ARRB1: variants seen among roughly 807,000 people sequenced by gnomAD.
The protein encoded by ARRB1 is arrestin beta 1, also known as beta-arrestin-1.
Under a neutral mutation model 56.8 loss-of-function variants are expected in ARRB1, and 21 were observed. The ratio of observed to expected loss-of-function variants is 0.37; its 90% CI spans 0.26 to 0.53. The LOEUF is 0.53. Among genes scored for constraint, ARRB1 ranks in the 20% least tolerant of loss-of-function variants. The pLI is 0.88. For synonymous variants in ARRB1, 210 were observed against 218.6 expected (o/e 0.96, Z 0.35); for missense variants, 424 against 553.7 (o/e 0.77, Z 2.35).
chr11:75,312,859 T>A (rs768101242), intron 1 of ARRB1, among the ~76,000 whole-genome samples: 6 of 152,264 alleles, frequency 3.9e-5, no homozygotes, highest in Middle Eastern at 3.4e-3. Context: ...AGGGAATGGA[T>A]CCCCGCTAGA....
chr11:75,274,558 G>A (rs1351604314), intron 10 of ARRB1: 10 of 184,946 alleles, frequency 5.4e-5, no homozygotes, highest in Admixed American at 1.7e-4. Context: ...TTGGGAGGCC[G>A]AGGCGGGTAG....
At chr11:75,303,194 G>A (rs546281636) in intron 1 of ARRB1, among the ~76,000 whole-genome samples, 3 of 152,142 alleles carry the variant, frequency 2.0e-5, no homozygotes, top group Non-Finnish European at 4.4e-5. Context: ...TAGAGACAGG[G>A]TTTCACCATG....
chr11:75,307,379 G>A (rs1173894324), intron 1 of ARRB1, among the ~76,000 whole-genome samples: 3 of 152,186 alleles, frequency 2.0e-5, no homozygotes. Context: ...GAATCTCTCT[G>A]AGGGAAGTGG....
chr11:75,303,556 T>C (rs1213551638), intron 1 of ARRB1: 5 of 456,068 alleles, frequency 1.1e-5, no homozygotes, highest in Non-Finnish European at 2.2e-5. Context: ...CTTTCTTTTC[T>C]TCCCTTTATT....
chr11:75,334,060 G>A (rs951508882), intron 1 of ARRB1, among the ~76,000 whole-genome samples: 23 of 152,266 alleles, frequency 1.5e-4, no homozygotes, highest in African/African-American at 5.5e-4. Context: ...GGCCGGGCGC[G>A]GTGGCTCACG....
chr11:75,269,452 C>T (rs1339233994), intron 13 of ARRB1, among the ~76,000 whole-genome samples: 1 of 152,198 alleles, frequency 6.6e-6, no homozygotes, highest in Non-Finnish European at 1.5e-5. Context: ...CCCTAGCACC[C>T]CTGCAATCTG....
intron 1 of ARRB1, among the ~76,000 whole-genome samples, chr11:75,350,219 G>C (rs1203252901): frequency 2.0e-5 from 3 of 152,204 alleles, no homozygotes; most frequent in Non-Finnish European, 4.4e-5. Context: ...TTTGTCAGTG[G>C]CCCTGAAAGG....
At chr11:75,349,617 G>A (rs774409585) in intron 1 of ARRB1, among the ~76,000 whole-genome samples, 2 of 152,230 alleles carry the variant, frequency 1.3e-5, no homozygotes, top group Non-Finnish European at 2.9e-5. Context: ...GGACAATGGA[G>A]TGGAGAATGG....
At chr11:75,273,103 T>C in intron 11 of ARRB1, 125 bp from the exon 12 acceptor site, 1 of 756,308 alleles carries the variant, frequency 1.3e-6, no homozygotes, top group Admixed American at 2.1e-5. Context: ...AGCTACCATG[T>C]CCAATAGAGC....
intron 1 of ARRB1, among the ~76,000 whole-genome samples, chr11:75,318,466 G>A (rs1157127512): frequency 6.6e-6 from 1 of 152,108 alleles, no homozygotes; most frequent in Non-Finnish European, 1.5e-5. Flanking sequence ...GAGGTGGGCG[G>A]GGCACCTGAG....
intron 1 of ARRB1, among the ~76,000 whole-genome samples, chr11:75,319,602 G>C (rs1947313890): frequency 6.6e-6 from 1 of 152,138 alleles, no homozygotes; most frequent in African/African-American, 2.4e-5. Context: ...CGATTTCCTG[G>C]CTGCTCCTCC....
At chr11:75,327,988 G>T (rs1025036970) in intron 1 of ARRB1, among the ~76,000 whole-genome samples, 2 of 152,164 alleles carry the variant, frequency 1.3e-5, no homozygotes, top group African/African-American at 4.8e-5. Flanking sequence ...ACAATTCAGT[G>T]GCATTTAGTC....
rs536302816 is a variant in ARRB1, at chr11:75,286,492, C to T, written c.112+823G>A. 4.6e-5 allele frequency among the ~76,000 whole-genome samples: 7 copies of T among 151,752 alleles called. No individual in the cohort carries two copies. In the South Asian group the frequency reaches 1.5e-3, roughly 32 times the overall value. ...ATTTCACCATGTGGGCCAGGCTGGT[C>T]TCAAACTCCTGACCTTGGGTGATCC... On this transcript the variant is annotated intron_variant, in intron 3 of 15. Transcript: ENST00000420843.
chr11:75,281,216 A>C, intron 6 of ARRB1, 74 bp from the exon 7 acceptor site: 300 of 1,403,548 alleles, frequency 2.1e-4, no homozygotes, highest in Non-Finnish European at 2.8e-4. Flanking sequence ...CCCACCTCTC[A>C]TTTTACAAAC....
At chr11:75,268,055 C>G (rs182373940) in intron 14 of ARRB1, among the ~76,000 whole-genome samples, 4 of 152,348 alleles carry the variant, frequency 2.6e-5, no homozygotes, top group Middle Eastern at 6.8e-3. Flanking sequence ...TTTTCCTTCA[C>G]ATTTTAACAT....
intron 9 of ARRB1, 121 bp from the exon 10 acceptor site, chr11:75,277,032 AC>A: frequency 1.1e-6 from 1 of 933,126 alleles, no homozygotes; most frequent in Non-Finnish European, 1.7e-6. Flanking sequence ...ACCAGTGGGG[AC>A]TTCTGCATAA....
chr11:75,273,306 G>T (rs776685338), intron 11 of ARRB1, among the ~76,000 whole-genome samples: 1 of 151,998 alleles, frequency 6.6e-6, no homozygotes, highest in African/African-American at 2.4e-5. Flanking sequence ...AGCAACCCAT[G>T]GGCAGAAAGG....
chr11:75,279,061 C>T (rs569395013), intron 7 of ARRB1, among the ~76,000 whole-genome samples: 1 of 152,360 alleles, frequency 6.6e-6, no homozygotes, highest in South Asian at 2.1e-4. Context: ...CACTTCCTGA[C>T]TCCCTATGTC....
At chr11:75,299,208 G>A (rs1946834729) in intron 1 of ARRB1, among the ~76,000 whole-genome samples, 1 of 150,510 alleles carries the variant, frequency 6.6e-6, no homozygotes. Context: ...CCCTAAAAGT[G>A]TGAATATTAT....
Sources: gnomAD v4.1 joint callset for allele counts (sites outside exome capture counted in the v4.1 genomes callset) on GRCh38, gnomAD v4.1.1 for gene constraint, MANE v1.5 for transcripts, NCBI Gene and HGNC (gene_info 2026-07-23, HGNC 2026-07-21) for gene names.